EBF1: variants seen among roughly 807,000 people sequenced by gnomAD.
EBF1 encodes the protein EBF transcription factor 1, also known as transcription factor COE1.
EBF1 carries 10 observed loss-of-function variants against 68.4 expected under a neutral mutation model. The ratio of observed to expected loss-of-function variants is 0.15; its 90% CI spans 0.09 to 0.25. The LOEUF (loss-of-function observed/expected upper bound fraction) is 0.25, where lower values mean the gene tolerates loss of function less well. Ranked by LOEUF, EBF1 falls within the 10% of genes least tolerant of loss-of-function variation. EBF1 has a pLI of 1.00. For missense variants in EBF1, 509 were observed against 794.4 expected, an observed-to-expected ratio of 0.64 and a Z score of 4.32; for synonymous variants, 298 against 299.8, an observed-to-expected ratio of 0.99 and a Z score of 0.06.
chr5:158,823,439 A>C, intron 7 of EBF1, 122 bp from the exon 8 acceptor site: 2 of 908,882 alleles, frequency 2.2e-6, no homozygotes, highest in East Asian at 5.3e-5. Context: ...TCACATAATA[A>C]CTGGTGCTTA....
At chr5:158,754,647 AG>A (rs1769655445) in intron 10 of EBF1, among the ~76,000 whole-genome samples, 1 of 152,088 alleles carries the variant, frequency 6.6e-6, no homozygotes, top group African/African-American at 2.4e-5. Context: ...GCCACTCACC[AG>A]CCTTGATTCC....
intron 6 of EBF1, among the ~76,000 whole-genome samples, chr5:158,898,383 T>C (rs1481576748): frequency 2.6e-5 from 4 of 152,220 alleles, no homozygotes; most frequent in Non-Finnish European, 5.9e-5. Context: ...AAATTACTCA[T>C]TGTAGTCAAA....
chr5:158,952,284 G>C (rs1360057398), intron 6 of EBF1, among the ~76,000 whole-genome samples: 1 of 152,142 alleles, frequency 6.6e-6, no homozygotes, highest in Non-Finnish European at 1.5e-5. Context: ...AAATCATTTG[G>C]ACAAAAGTCA....
At chr5:158,735,071 T>A (rs1561779190) in intron 10 of EBF1, among the ~76,000 whole-genome samples, 1 of 152,198 alleles carries the variant, frequency 6.6e-6, no homozygotes, top group Non-Finnish European at 1.5e-5. Flanking sequence ...GTGCTTACCA[T>A]ATGCTCAAGA....
intron 6 of EBF1, among the ~76,000 whole-genome samples, chr5:159,057,517 C>G (rs563234865): frequency 6.6e-6 from 1 of 152,316 alleles, no homozygotes; most frequent in Middle Eastern, 3.4e-3. Flanking sequence ...CCAGAAAAGA[C>G]ACGTTGTACC....
At chr5:158,877,622 G>T (rs1798046182) in intron 6 of EBF1, among the ~76,000 whole-genome samples, 1 of 152,070 alleles carries the variant, frequency 6.6e-6, no homozygotes, top group South Asian at 2.1e-4. Flanking sequence ...TTTCATTCCT[G>T]TTAGGCTGTT....
chr5:158,719,992 C>T (rs532910661), intron 11 of EBF1, among the ~76,000 whole-genome samples: 5 of 152,232 alleles, frequency 3.3e-5, no homozygotes, highest in East Asian at 1.9e-4. Context: ...AAGCACAATA[C>T]TTCCCTGTCA....
At chr5:158,804,281 C>A (rs970051260) in intron 8 of EBF1, among the ~76,000 whole-genome samples, 1 of 151,910 alleles carries the variant, frequency 6.6e-6, no homozygotes, top group African/African-American at 2.4e-5. Context: ...CTAAACTTAG[C>A]AAAATAGTGT....
chr5:159,087,339 CACACATATATATAT>C (rs1196144726), intron 4 of EBF1, among the ~76,000 whole-genome samples: 269 of 135,678 alleles, frequency 2.0e-3, no homozygotes, highest in East Asian at 0.017. Flanking sequence ...TATATATACA[CACACATATATATAT>C]ACACATATAT....
chr5:158,939,754 CG>C lies in EBF1; in HGVS notation c.555-99645del, dbSNP rs1812836186. 1.9e-4 allele frequency among the ~76,000 whole-genome samples: 6 copies of C among 31,310 alleles called. No individual in the cohort carries two copies. The South Asian group carries it at 4.9e-3, about 26-fold the overall frequency. 20.5% of individuals were successfully genotyped at this position (31,310 alleles called of 152,430 possible). On this transcript the variant is annotated intron_variant, in intron 6 of 15. Coordinates refer to ENST00000313708, the MANE Select transcript of EBF1 (RefSeq NM_024007.5). ...GGATTAACCGTGTCTGCTTTCCGGG[CG>C]GGGGTGGGGGAGGCTGCGAGGTAGC...
intron 6 of EBF1, among the ~76,000 whole-genome samples, chr5:159,055,900 C>T (rs1392360863): frequency 6.6e-6 from 1 of 152,172 alleles, no homozygotes; most frequent in Non-Finnish European, 1.5e-5. Context: ...ATAGTAGATG[C>T]TTCACGAACA....
intron 10 of EBF1, among the ~76,000 whole-genome samples, chr5:158,755,554 G>A (rs1045316629): frequency 1.3e-5 from 2 of 152,144 alleles, no homozygotes; most frequent in Admixed American, 6.5e-5. Flanking sequence ...TCTACTTTAG[G>A]AAGTTCATTT....
At chr5:158,908,572 G>A (rs1024133678) in intron 6 of EBF1, among the ~76,000 whole-genome samples, 14 of 152,064 alleles carry the variant, frequency 9.2e-5, no homozygotes, top group Admixed American at 2.0e-4. Context: ...AAACAGCCTC[G>A]TCACAATGCA....
At chr5:159,025,463 G>T (rs377619738) in intron 6 of EBF1, among the ~76,000 whole-genome samples, 52 of 152,116 alleles carry the variant, frequency 3.4e-4, no homozygotes, top group Middle Eastern at 3.2e-3. Flanking sequence ...TGTTTTTCCC[G>T]CACTGTGTAT....
chr5:158,770,159 T>C (rs1773587831), intron 10 of EBF1, among the ~76,000 whole-genome samples: 1 of 152,140 alleles, frequency 6.6e-6, no homozygotes, highest in Non-Finnish European at 1.5e-5. Context: ...AGAAAAGTGA[T>C]GGCCCTACCA....
chr5:158,860,638 C>G (rs1276107528), intron 6 of EBF1, among the ~76,000 whole-genome samples: 1 of 152,208 alleles, frequency 6.6e-6, no homozygotes, highest in Admixed American at 6.5e-5. Flanking sequence ...TCACTGCCTG[C>G]TTTTCTGAGC....
At chr5:159,096,173 A>C (rs1782573741) in intron 3 of EBF1, 170 bp downstream of exon 3, 2 of 671,140 alleles carry the variant, frequency 3.0e-6, no homozygotes, top group South Asian at 3.9e-5. Flanking sequence ...GGCCACTAGG[A>C]GCCTCCTCAG....
At chr5:158,708,893 T>A (rs1758508086) in intron 14 of EBF1, among the ~76,000 whole-genome samples, 1 of 152,144 alleles carries the variant, frequency 6.6e-6, no homozygotes, top group Non-Finnish European at 1.5e-5. Flanking sequence ...AGCAGTAGGA[T>A]CAGAGCCTTA....
intron 6 of EBF1, chr5:158,982,961 A>C (rs1758192828): frequency 6.6e-6 from 1 of 152,124 alleles, no homozygotes; most frequent in South Asian, 2.1e-4. Context: ...CATAGGGCAA[A>C]GCTGTCCCAG....
Sources: allele counts gnomAD v4.1 joint callset (sites outside exome capture counted in the v4.1 genomes callset), GRCh38; gene constraint gnomAD v4.1.1; transcripts MANE v1.5; gene names NCBI Gene and HGNC (gene_info 2026-07-23, HGNC 2026-07-21).